The following LHFPL3 variants were observed in gnomAD, a reference collection of about 807,000 sequenced individuals.
The protein encoded by LHFPL3 is LHFPL tetraspan subfamily member 3 protein.
LHFPL3 carries 5 observed loss-of-function variants against 19.3 expected under a neutral mutation model. The ratio of observed to expected loss-of-function variants is 0.26; its 90% CI spans 0.14 to 0.54. LHFPL3 has a LOEUF of 0.54. Ranked by LOEUF, LHFPL3 falls within the 20% of genes least tolerant of loss-of-function variation. The pLI is 0.94. For synonymous variants in LHFPL3, 133 were observed against 126.2 expected, an observed-to-expected ratio of 1.05 and a Z score of -0.36; for missense variants, 249 against 307.4, an observed-to-expected ratio of 0.81 and a Z score of 1.42.
At chr7:104,736,333 G>A (rs1347973976) in intron 1 of LHFPL3, among the ~76,000 whole-genome samples, 1 of 152,112 alleles carries the variant, frequency 6.6e-6, no homozygotes, top group Non-Finnish European at 1.5e-5. Flanking sequence ...TGACCTATCT[G>A]TAATGGAACC....
chr7:104,870,653 G>A (rs1233465500), intron 2 of LHFPL3, among the ~76,000 whole-genome samples: 4 of 152,090 alleles, frequency 2.6e-5, no homozygotes, highest in Admixed American at 2.0e-4. Context: ...CTGTGACAAC[G>A]GGAGCTTCAC....
At chr7:104,418,404 C>A (rs1791666324) in intron 1 of LHFPL3, among the ~76,000 whole-genome samples, 1 of 152,010 alleles carries the variant, frequency 6.6e-6, no homozygotes, top group Non-Finnish European at 1.5e-5. Context: ...TGGTAGTGTG[C>A]ACCTGTAGTC....
chr7:104,519,718 T>G lies in LHFPL3; in HGVS notation c.445+190494T>G, dbSNP rs1794006621. On this transcript the variant is annotated intron_variant, in intron 1 of 2. Transcript: ENST00000424859. ...TCATGGCGTTAATGACTGTTTTGACTATTAACACTGTGGTACCTGGGAGCC... is the reference window on the plus strand; with the variant it reads ...TCATGGCGTTAATGACTGTTTTGACGATTAACACTGTGGTACCTGGGAGCC... Among the ~76,000 whole-genome samples, 4 of 152,276 alleles carry G rather than the reference T, an allele frequency of 2.6e-5. No homozygotes were observed. In the South Asian group the frequency reaches 8.3e-4, roughly 32 times the overall value.
At chr7:104,685,175 C>T (rs546988114) in intron 1 of LHFPL3, among the ~76,000 whole-genome samples, 4 of 152,160 alleles carry the variant, frequency 2.6e-5, no homozygotes, top group African/African-American at 9.6e-5. Flanking sequence ...GATGAAACCC[C>T]ATCTCTACTA....
intron 1 of LHFPL3, among the ~76,000 whole-genome samples, chr7:104,411,319 A>G (rs1309767400): frequency 6.6e-6 from 1 of 152,150 alleles, no homozygotes; most frequent in Non-Finnish European, 1.5e-5. Flanking sequence ...TGTAGTGTGA[A>G]TATTGTGAAG....
intron 1 of LHFPL3, among the ~76,000 whole-genome samples, chr7:104,587,806 G>A (rs957175719): frequency 2.0e-4 from 31 of 151,868 alleles, no homozygotes; most frequent in African/African-American, 6.3e-4. Context: ...TTTAATGATC[G>A]CCATTCTAAC....
chr7:104,370,168 G>C (rs1287123252), intron 1 of LHFPL3, among the ~76,000 whole-genome samples: 3 of 152,178 alleles, frequency 2.0e-5, no homozygotes, highest in African/African-American at 7.2e-5. Flanking sequence ...TAGAAGCTTG[G>C]AGAAGGAACT....
At chr7:104,626,048 C>T (rs896860657) in intron 1 of LHFPL3, among the ~76,000 whole-genome samples, 7 of 152,162 alleles carry the variant, frequency 4.6e-5, no homozygotes, top group East Asian at 1.9e-4. Flanking sequence ...ATAAACAACA[C>T]AAAGTACTGT....
chr7:104,554,436 C>T (rs1794719534), intron 1 of LHFPL3, among the ~76,000 whole-genome samples: 2 of 151,830 alleles, frequency 1.3e-5, no homozygotes, highest in Non-Finnish European at 2.9e-5. Context: ...ACTTTATCCC[C>T]TTCAAATAGA....
chr7:104,410,070 A>G (rs1408924790), intron 1 of LHFPL3, among the ~76,000 whole-genome samples: 1 of 152,118 alleles, frequency 6.6e-6, no homozygotes, highest in African/African-American at 2.4e-5. Context: ...CATATTCCTT[A>G]ACTAACCAGC....
At chr7:104,829,836 G>C (rs1790914644) in intron 2 of LHFPL3, among the ~76,000 whole-genome samples, 1 of 151,924 alleles carries the variant, frequency 6.6e-6, no homozygotes, top group Non-Finnish European at 1.5e-5. Context: ...AATCCTTTGG[G>C]TATATACCCA....
intron 1 of LHFPL3, among the ~76,000 whole-genome samples, chr7:104,572,283 A>G (rs1174832233): frequency 6.6e-6 from 1 of 152,242 alleles, no homozygotes; most frequent in Non-Finnish European, 1.5e-5. Flanking sequence ...AAAAGTTCTC[A>G]AAAGAACATA....
intron 1 of LHFPL3, among the ~76,000 whole-genome samples, chr7:104,683,677 A>G (rs1200936679): frequency 1.3e-5 from 2 of 152,242 alleles, no homozygotes; most frequent in Non-Finnish European, 2.9e-5. Context: ...GATAGGCAGT[A>G]TAATGATGGC....
intron 1 of LHFPL3, among the ~76,000 whole-genome samples, chr7:104,589,716 A>C (rs1252248299): frequency 7.2e-5 from 11 of 152,190 alleles, no homozygotes; most frequent in African/African-American, 2.7e-4. Context: ...CCTCTGGTAG[A>C]ATTCGGCTGT....
chr7:104,903,462 CT>C (rs34097567), intron 2 of LHFPL3, among the ~76,000 whole-genome samples: 14,450 of 126,716 alleles, frequency 0.11, 1,462 homozygotes, highest in East Asian at 0.37. Context: ...TCTAGTTATA[CT>C]TTTTTTTTTT....
intron 1 of LHFPL3, among the ~76,000 whole-genome samples, chr7:104,452,077 T>A (rs11767594): frequency 0.99 from 150,596 of 152,336 alleles, 74,440 homozygotes; most frequent in Middle Eastern, 1. Context: ...TCAAGTTCAG[T>A]AAAAAGAAAA....
At chr7:104,729,875 C>A (rs934969532) in intron 1 of LHFPL3, among the ~76,000 whole-genome samples, 2 of 152,056 alleles carry the variant, frequency 1.3e-5, no homozygotes, top group African/African-American at 4.8e-5. Context: ...AGGTATATCT[C>A]CTAATGCTAT....
intron 2 of LHFPL3, among the ~76,000 whole-genome samples, chr7:104,852,029 C>T (rs903048127): frequency 2.6e-5 from 4 of 151,952 alleles, no homozygotes; most frequent in African/African-American, 7.3e-5. Flanking sequence ...CTGTTACTTC[C>T]ACCAACTTTT....
At chr7:104,501,517 C>G (rs1378764204) in intron 1 of LHFPL3, among the ~76,000 whole-genome samples, 8 of 152,052 alleles carry the variant, frequency 5.3e-5, no homozygotes, top group Non-Finnish European at 1.5e-5. Context: ...GTTTTTATTG[C>G]TGTGAATTGT....
Sources: gnomAD v4.1 joint callset for allele counts (sites outside exome capture counted in the v4.1 genomes callset) on GRCh38, gnomAD v4.1.1 for gene constraint, MANE v1.5 for transcripts, NCBI Gene and HGNC (gene_info 2026-07-23, HGNC 2026-07-21) for gene names.